Variants in SYNJ2BP observed in about 807,000 individuals in gnomAD.
The protein encoded by SYNJ2BP is synaptojanin 2 binding protein.
Under a neutral mutation model 16.9 loss-of-function variants are expected in SYNJ2BP, and 10 were observed. The observed-to-expected ratio is 0.59, with a 90% CI of 0.36 to 1.00. The LOEUF (loss-of-function observed/expected upper bound fraction) is 1.00. Among genes scored for constraint, SYNJ2BP ranks in the 50% least tolerant of loss-of-function variants. The pLI is 0.01. For missense variants in SYNJ2BP, 162 were observed against 186.7 expected (o/e 0.87, Z 0.77); for synonymous variants, 54 against 68.4 (o/e 0.79, Z 1.04).
In SYNJ2BP at chr14:70,369,124, T is replaced by G. The variant is rs1475803417; in HGVS notation, c.*3867A>C. 1 of 150,740 alleles carries G rather than the reference T, an allele frequency of 6.6e-6. No homozygotes were observed. Among genetic ancestry groups the G allele is most frequent in the Non-Finnish European group, 1.5e-5 (1 of 67,606 alleles). The allele number at this position is 150,740 out of a possible 1,614,324, so 9.3% of individuals were successfully genotyped here. The stretch of plus-strand genomic sequence containing the variant: ...GCTTTTTGTTTTTTGTTTGTTTGTT[T>G]TTTTGTTTTTGAGACAAGGTCTCAC... On this transcript the variant is annotated 3_prime_UTR_variant, in exon 4 of 4. Transcript: ENST00000256366.
chr14:70,382,872 T>G lies in SYNJ2BP; in HGVS notation c.201+5598A>C, dbSNP rs574185535. 1.8e-4 allele frequency among the ~76,000 whole-genome samples: 28 copies of G among 152,334 alleles called. 2 individuals carry two copies. In the South Asian group the frequency reaches 5.8e-3, roughly 32 times the overall value. ...CTTATGAAATCAGCTGAGTTAAAAT[T>G]AGTTTTCTTTGATTAAGAATTTTGA... On this transcript the variant is annotated intron_variant, in intron 2 of 3. Transcript: ENST00000256366.
chr14:70,387,661 C>T (rs1887887919), intron 2 of SYNJ2BP, among the ~76,000 whole-genome samples: 1 of 152,020 alleles, frequency 6.6e-6, no homozygotes, highest in Admixed American at 6.6e-5. Flanking sequence ...GAAACCCTGT[C>T]TATACTAAAA....
intron 3 of SYNJ2BP, 102 bp downstream of exon 3, chr14:70,375,574 G>A (rs1887612045): frequency 1.4e-6 from 2 of 1,410,296 alleles, no homozygotes; most frequent in East Asian, 2.5e-5. Context: ...AGGGGAGTGA[G>A]GGTAAAACAA....
In SYNJ2BP at chr14:70,373,323, A is replaced by C. The variant is rs77871257; in HGVS notation, c.298-192T>G. 8.2e-3 allele frequency among the ~76,000 whole-genome samples: 1,241 copies of C among 152,234 alleles called. 11 individuals carry two copies. Among genetic ancestry groups the C allele is most frequent in the African/African-American group, 0.028 (1,179 of 41,526 alleles). On this transcript the variant is annotated intron_variant, in intron 3 of 3. Transcript: ENST00000256366. ...AGTGTCACAGGATCTTTGGAAAGAA[A>C]ATAGGTCTAATGGGGAGGCATTTAA...
At chr14:70,374,658 T>C (rs977678543) in intron 3 of SYNJ2BP, among the ~76,000 whole-genome samples, 4 of 152,128 alleles carry the variant, frequency 2.6e-5, no homozygotes, top group African/African-American at 4.8e-5. Flanking sequence ...TTCCATTTCC[T>C]TTTTCCTGGA....
At position 70,368,628 on chromosome 14, in the gene SYNJ2BP, G is replaced by A. The variant is rs1481141885; in HGVS notation, c.*4363C>T. On this transcript the variant is annotated 3_prime_UTR_variant, in exon 4 of 4. Transcript: ENST00000256366. ...TGATCAATCCTTAGCAAATCAGGAA[G>A]AAATGAATGTTCCACTTACTTCGTG... 4 of 152,220 alleles carry A rather than the reference G, an allele frequency of 2.6e-5. No individual in the cohort carries two copies. Among genetic ancestry groups the A allele is most frequent in the East Asian group, 3.8e-4 (2 of 5,206 alleles). The allele number at this position is 152,220 out of a possible 1,614,324, so 9.4% of individuals were successfully genotyped here.
intron 2 of SYNJ2BP, among the ~76,000 whole-genome samples, chr14:70,377,467 T>G (rs1887656844): frequency 6.6e-6 from 1 of 152,238 alleles, no homozygotes; most frequent in African/African-American, 2.4e-5. Context: ...CACGCAGTGA[T>G]AGCTGTTCCA....
chr14:70,374,001 T>C (rs554010630), intron 3 of SYNJ2BP, among the ~76,000 whole-genome samples: 3 of 152,360 alleles, frequency 2.0e-5, no homozygotes, highest in African/African-American at 7.2e-5. Context: ...TCCACCTCTA[T>C]GTTTTTCATT....
chr14:70,369,828 A>G lies in SYNJ2BP; in HGVS notation c.*3163T>C, dbSNP rs1887479335. ...ATACATGTAATACAGAATGATAGAG[A>G]AATGTTTTAAGTACTTAAAAATACC... On this transcript the variant is annotated 3_prime_UTR_variant, in exon 4 of 4. Coordinates refer to ENST00000256366, the MANE Select transcript of SYNJ2BP (RefSeq NM_018373.3). 6.6e-6 allele frequency: 1 copy of G among 152,256 alleles called. No homozygotes were observed. Among genetic ancestry groups the G allele is most frequent in the African/African-American group, 2.4e-5 (1 of 41,478 alleles). 9.4% of individuals were successfully genotyped at this position (152,256 alleles called of 1,614,324 possible).
At chr14:70,373,714 G>A (rs909658675) in intron 3 of SYNJ2BP, among the ~76,000 whole-genome samples, 1 of 152,164 alleles carries the variant, frequency 6.6e-6, no homozygotes, top group Non-Finnish European at 1.5e-5. Flanking sequence ...AGAGAGAGAT[G>A]AAGGTGAATC....
At chr14:70,383,117 C>T (rs542394865) in intron 2 of SYNJ2BP, among the ~76,000 whole-genome samples, 4 of 152,204 alleles carry the variant, frequency 2.6e-5, no homozygotes, top group Non-Finnish European at 5.9e-5. Context: ...CCAAAAAAGT[C>T]AGTGTGTTAT....
chr14:70,372,842 ATTG>A lies in SYNJ2BP; in HGVS notation c.*146_*148del, dbSNP rs1887544863. ...TTACTTTCCCATTAGAATATGAAGA[ATTG>A]GAGACTGTGAACAGCAAGGTTTGGG... On this transcript the variant is annotated 3_prime_UTR_variant, in exon 4 of 4. Coordinates refer to ENST00000256366, the MANE Select transcript of SYNJ2BP (RefSeq NM_018373.3). The A allele has an allele frequency of 5.2e-6, 6 of 1,162,830 alleles. No homozygotes were observed. The highest frequency in any genetic ancestry group is 1.5e-5 in the African/African-American group (1 of 64,804). The allele number at this position is 1,162,830 out of a possible 1,614,324, so 72.0% of individuals were successfully genotyped here.
At chr14:70,388,661 T>C (rs1887914029) in intron 1 of SYNJ2BP, 55 bp from the exon 2 acceptor site, 2 of 1,426,628 alleles carry the variant, frequency 1.4e-6, no homozygotes, top group African/African-American at 2.9e-5. Flanking sequence ...AGAAAGAGAT[T>C]AGAGAAGATG....
chr14:70,412,702 T>C (rs1888514930), intron 1 of SYNJ2BP, among the ~76,000 whole-genome samples: 1 of 151,760 alleles, frequency 6.6e-6, no homozygotes, highest in Non-Finnish European at 1.5e-5. Context: ...CAACCCATCA[T>C]CTTTTCCAAG....
chr14:70,412,241 AG>A (rs1258396852), intron 1 of SYNJ2BP, among the ~76,000 whole-genome samples: 3 of 152,158 alleles, frequency 2.0e-5, no homozygotes, highest in Admixed American at 6.6e-5. Context: ...AATAAAGGTC[AG>A]GGGAAAGGTT....
intron 2 of SYNJ2BP, among the ~76,000 whole-genome samples, chr14:70,382,486 G>A (rs1342563351): frequency 6.6e-6 from 1 of 152,112 alleles, no homozygotes; most frequent in Non-Finnish European, 1.5e-5. Flanking sequence ...GGCTCACCAC[G>A]GGATCTCATA....
At chr14:70,401,910 A>G (rs1422261918) in intron 1 of SYNJ2BP, among the ~76,000 whole-genome samples, 1 of 152,054 alleles carries the variant, frequency 6.6e-6, no homozygotes, top group African/African-American at 2.4e-5. Flanking sequence ...TCCGCCTCCC[A>G]AACAGTTAGG....
chr14:70,402,667 A>C (rs1252082160), intron 1 of SYNJ2BP, among the ~76,000 whole-genome samples: 2 of 23,334 alleles, frequency 8.6e-5, no homozygotes, highest in African/African-American at 2.6e-4. Context: ...AGCCTGCTTT[A>C]AAAAAAAAAA....
chr14:70,407,552 T>C (rs1340634326), intron 1 of SYNJ2BP, among the ~76,000 whole-genome samples: 2 of 152,066 alleles, frequency 1.3e-5, no homozygotes, highest in South Asian at 4.1e-4. Flanking sequence ...AAATTTGTTA[T>C]AGTATCCTCC....
Sources: gnomAD v4.1 joint callset for allele counts (sites outside exome capture counted in the v4.1 genomes callset) on GRCh38, gnomAD v4.1.1 for gene constraint, MANE v1.5 for transcripts, NCBI Gene and HGNC (gene_info 2026-07-23, HGNC 2026-07-21) for gene names.